The following WDFY4 variants were observed in gnomAD, a reference collection of about 807,000 sequenced individuals.
WDFY4 encodes the protein WD repeat- and FYVE domain-containing protein 4.
Under a neutral mutation model 351.9 loss-of-function variants are expected in WDFY4, and 169 were observed. That is an observed-to-expected ratio of 0.48 (90% CI 0.42 to 0.55). The LOEUF (loss-of-function observed/expected upper bound fraction) is 0.55. WDFY4 is among the 20% of genes least tolerant of loss of function. The pLI is 0.00. For synonymous variants in WDFY4, 1,622 were observed against 1,574.6 expected (o/e 1.03, Z -0.71); for missense variants, 3,803 against 3,935.6 (o/e 0.97, Z 0.90).
intron 53 of WDFY4, among the ~76,000 whole-genome samples, chr10:48,961,876 C>A (rs1841875249): frequency 6.6e-6 from 1 of 151,902 alleles, no homozygotes; most frequent in African/African-American, 2.4e-5. Flanking sequence ...CTGGAGGTGG[C>A]GATAAGGACT....
chr10:48,721,657 G>A (rs1284838126), intron 4 of WDFY4, among the ~76,000 whole-genome samples: 1 of 152,108 alleles, frequency 6.6e-6, no homozygotes, highest in African/African-American at 2.4e-5. Context: ...CTCTTCTGGG[G>A]TTAGTGTAGG....
At position 48,970,190 on chromosome 10, in the gene WDFY4, A is replaced by G. The variant is rs2131835114; in HGVS notation, c.8829A>G (p.Pro2943=). Residue 2943 remains proline, a synonymous_variant, in exon 57 of 62, where the codon CCA becomes CCG. Transcript: ENST00000325239. ...AWGRCLCAVC[P]SPTTIVTSGT... ...GCCGCTGTCTGTGCGCCGTGTGCCC[A>G]TCCCCAACAACGATTGTCACCTCTG... 1.3e-6 allele frequency: 2 copies of G among 1,551,704 alleles called. No individual in the cohort carries two copies. The highest frequency in any genetic ancestry group is 1.7e-6 in the Non-Finnish European group (2 of 1,147,004).
intron 39 of WDFY4, among the ~76,000 whole-genome samples, chr10:48,837,098 T>C (rs181857508): frequency 1.3e-5 from 2 of 152,100 alleles, no homozygotes; most frequent in Non-Finnish European, 2.9e-5. Flanking sequence ...TTTATGAAAA[T>C]TGAAAATATT....
intron 11 of WDFY4, among the ~76,000 whole-genome samples, chr10:48,736,901 G>A (rs1482276629): frequency 1.3e-5 from 2 of 152,196 alleles, no homozygotes; most frequent in African/African-American, 4.8e-5. Flanking sequence ...AAGTGAGGCA[G>A]GGTTATCATG....
rs2066623988 is a variant in WDFY4 at position 48,789,966 on chromosome 10, T to C, written c.4047T>C (p.Ala1349=). Residue 1349 remains alanine (A), a synonymous_variant, in exon 22 of 62, where the codon GCT becomes GCC. Transcript: ENST00000325239. Reference sequence around the variant, plus strand: ...CAGGGTCTCTGCGGACCATTGGAGCTGTTGCTGTGGGTCAATTAGGTATGT... The same window carrying C: ...CAGGGTCTCTGCGGACCATTGGAGCCGTTGCTGTGGGTCAATTAGGTATGT... ...HLSGSLRTIG[A]VAVGQLGVRV... is the part of the protein sequence containing the mutation. 1 of 1,552,280 alleles carries C rather than the reference T, an allele frequency of 6.4e-7. No individual in the cohort carries two copies. Among genetic ancestry groups the C allele is most frequent in the Admixed American group, 2.0e-5 (1 of 50,998 alleles).
intron 59 of WDFY4, 27 bp downstream of exon 59, chr10:48,977,006 A>G (rs973403321): frequency 7.5e-7 from 1 of 1,331,472 alleles, no homozygotes; most frequent in Non-Finnish European, 9.7e-7. Context: ...CAGAATGAGG[A>G]CATGACACAA....
At chr10:48,927,659 T>C (rs1447355681) in intron 47 of WDFY4, among the ~76,000 whole-genome samples, 3 of 152,240 alleles carry the variant, frequency 2.0e-5, no homozygotes, top group Non-Finnish European at 4.4e-5. Context: ...CCAGCGTGGC[T>C]CTGCACATGT....
intron 47 of WDFY4, among the ~76,000 whole-genome samples, chr10:48,923,496 GTATATA>G (rs374289050): frequency 3.2e-5 from 2 of 63,214 alleles, no homozygotes; most frequent in African/African-American, 6.9e-5. Flanking sequence ...ATAGTTTTTA[GTATATA>G]TATATATATA....
At chr10:48,958,055 C>T (rs1333259209) in intron 52 of WDFY4, among the ~76,000 whole-genome samples, 2 of 152,192 alleles carry the variant, frequency 1.3e-5, no homozygotes, top group African/African-American at 2.4e-5. Flanking sequence ...AGCCCCCCCT[C>T]GTCAGTGTTC....
intron 6 of WDFY4, 59 bp from the exon 7 acceptor site, chr10:48,727,411 T>C: frequency 1.3e-6 from 2 of 1,503,694 alleles, no homozygotes; most frequent in Non-Finnish European, 1.8e-6. Context: ...AGGTGGACCA[T>C]GGCAGGAAAG....
intron 13 of WDFY4, among the ~76,000 whole-genome samples, chr10:48,767,993 A>G (rs992776743): frequency 1.3e-5 from 2 of 152,116 alleles, no homozygotes; most frequent in Admixed American, 1.3e-4. Flanking sequence ...AACAAGCCCT[A>G]CTTTCATGCT....
intron 8 of WDFY4, among the ~76,000 whole-genome samples, chr10:48,730,487 G>A (rs1049709562): frequency 2.0e-5 from 3 of 152,214 alleles, no homozygotes; most frequent in Admixed American, 6.5e-5. Flanking sequence ...TCTCCTGGGG[G>A]AGAGAGAATG....
intron 12 of WDFY4, chr10:48,745,844 G>A (rs2064995101): frequency 3.0e-6 from 1 of 332,966 alleles, no homozygotes; most frequent in Non-Finnish European, 5.7e-6. Context: ...CGGCGTCCAA[G>A]GCAGCCTGGC....
At chr10:48,701,648 G>C (rs1194832586) in intron 1 of WDFY4, among the ~76,000 whole-genome samples, 1 of 152,170 alleles carries the variant, frequency 6.6e-6, no homozygotes, top group Non-Finnish European at 1.5e-5. Flanking sequence ...GTCCCCAGCT[G>C]GTGGCATCTT....
chr10:48,758,109 A>G (rs534915214), intron 12 of WDFY4, among the ~76,000 whole-genome samples: 2 of 152,274 alleles, frequency 1.3e-5, no homozygotes, highest in East Asian at 3.9e-4. Context: ...TTTTAAAAGT[A>G]TTATTCTTAG....
rs1179229302 is a variant in WDFY4 at position 48,719,992 on chromosome 10, G to A, written c.235-19G>A. 1 of 1,549,470 alleles carries A rather than the reference G, an allele frequency of 6.5e-7. No individual in the cohort carries two copies. The highest frequency in any genetic ancestry group is 8.7e-7 in the Non-Finnish European group (1 of 1,145,028). On this transcript the variant is annotated intron_variant, in intron 2 of 61. Coordinates refer to ENST00000325239, the MANE Select transcript of WDFY4 (RefSeq NM_001394531.1). The stretch of plus-strand genomic sequence containing the variant: ...TTGTGGCATTGCTATCTCTGACCAA[G>A]TCCCATCTGTTGCTTCAGGCCTGGG...
At chr10:48,817,864 T>A (rs1394699947) in intron 32 of WDFY4, among the ~76,000 whole-genome samples, 5 of 152,302 alleles carry the variant, frequency 3.3e-5, no homozygotes, top group African/African-American at 9.6e-5. Context: ...GCAGTGGGTT[T>A]GCAGAGGCCC....
chr10:48,761,379 G>A (rs993967934), intron 13 of WDFY4, among the ~76,000 whole-genome samples: 1 of 152,190 alleles, frequency 6.6e-6, no homozygotes, highest in African/African-American at 2.4e-5. Flanking sequence ...GAATGGACAG[G>A]GAATGAGGGT....
In WDFY4 at chr10:48,818,637, G is replaced by A. The variant is rs114161344; in HGVS notation, c.5505+1228G>A. On this transcript the variant is annotated intron_variant, in intron 32 of 61. Transcript: ENST00000325239. ...GTTTAAATCTCACTCTTACCCCAAA[G>A]CCTTGTCCTTTTCATTACAGTCAGT... 3.2e-3 allele frequency among the ~76,000 whole-genome samples: 483 copies of A among 152,298 alleles called. 3 individuals carry two copies. The highest frequency in any genetic ancestry group is 0.011 in the African/African-American group (459 of 41,566).
Sources: allele counts gnomAD v4.1 joint callset (sites outside exome capture counted in the v4.1 genomes callset), GRCh38; gene constraint gnomAD v4.1.1; transcripts MANE v1.5; gene names NCBI Gene and HGNC (gene_info 2026-07-23, HGNC 2026-07-21).